The following WARS2 variants were observed in gnomAD, a reference collection of about 807,000 sequenced individuals.
WARS2 encodes tryptophanyl tRNA synthetase 2, mitochondrial.
In WARS2, 28 loss-of-function variants were observed where a neutral mutation model predicts 36.5. That is an observed-to-expected ratio of 0.77 (90% confidence interval 0.57 to 1.05). The LOEUF (loss-of-function observed/expected upper bound fraction) is 1.05. Among genes scored for constraint, WARS2 ranks in the 50% least tolerant of loss-of-function variants. The pLI is 0.00. For synonymous variants in WARS2, 174 were observed against 178.4 expected (o/e 0.98, Z 0.20); for missense variants, 435 against 456.8 (o/e 0.95, Z 0.44).
intron 1 of WARS2, chr1:119,139,745 T>C (rs1253009783): frequency 6.6e-6 from 1 of 152,222 alleles, no homozygotes; most frequent in African/African-American, 2.4e-5. Flanking sequence ...GTTCCCAGAA[T>C]ATATCTCCCG....
intron 1 of WARS2, among the ~76,000 whole-genome samples, chr1:119,093,457 T>C (rs1390301786): frequency 3.2e-5 from 1 of 31,510 alleles, no homozygotes; most frequent in African/African-American, 2.5e-4. Context: ...GCAGATATAA[T>C]CAGTTAAGAT....
intron 1 of WARS2, chr1:119,085,796 G>A (rs967347757): frequency 1.1e-4 from 183 of 1,607,668 alleles, no homozygotes; most frequent in Non-Finnish European, 1.5e-4. Context: ...AGAACACACA[G>A]ATGATGTCCC....
At chr1:119,060,126 A>G (rs1459816970) in intron 2 of WARS2, among the ~76,000 whole-genome samples, 1 of 152,222 alleles carries the variant, frequency 6.6e-6, no homozygotes, top group African/African-American at 2.4e-5. Context: ...GAGTTTTCCA[A>G]TCCAATCTAA....
chr1:119,054,089 A>G (rs1444694157), intron 2 of WARS2, among the ~76,000 whole-genome samples: 5 of 150,010 alleles, frequency 3.3e-5, no homozygotes, highest in African/African-American at 9.7e-5. Context: ...ATACTATTTA[A>G]TAAATTATAA....
chr1:119,066,621 C>A (rs535192105), intron 2 of WARS2, among the ~76,000 whole-genome samples: 1 of 150,694 alleles, frequency 6.6e-6, no homozygotes, highest in South Asian at 2.1e-4. Context: ...TATGAGCAAA[C>A]AATTCACAAA....
intron 1 of WARS2, among the ~76,000 whole-genome samples, chr1:119,095,549 C>G (rs2101429083): frequency 6.6e-6 from 1 of 152,296 alleles, no homozygotes; most frequent in South Asian, 2.1e-4. Context: ...TCTCCTGCCT[C>G]AGCCTCCCAA....
At chr1:119,133,815 T>C (rs1266187163) in intron 1 of WARS2, among the ~76,000 whole-genome samples, 1 of 152,114 alleles carries the variant, frequency 6.6e-6, no homozygotes, top group Non-Finnish European at 1.5e-5. Flanking sequence ...GATATTTACT[T>C]TATATTCATC....
chr1:119,077,149 G>A (rs13376260), intron 1 of WARS2, among the ~76,000 whole-genome samples: 21 of 46,260 alleles, frequency 4.5e-4, no homozygotes, highest in South Asian at 5.7e-4. Flanking sequence ...AAAAAAAAAA[G>A]GAAAAGATCT....
intron 1 of WARS2, among the ~76,000 whole-genome samples, chr1:119,107,438 T>C (rs1251051615): frequency 6.6e-6 from 1 of 152,114 alleles, no homozygotes; most frequent in East Asian, 1.9e-4. Flanking sequence ...TTAGGATCCA[T>C]TTTGATTTAA....
intron 1 of WARS2, among the ~76,000 whole-genome samples, chr1:119,081,732 C>G (rs1010927374): frequency 3.9e-5 from 6 of 152,062 alleles, no homozygotes; most frequent in African/African-American, 1.4e-4. Flanking sequence ...TCTACATTGC[C>G]CTACTATTTC....
At chr1:119,109,521 T>C (rs1299965895) in intron 1 of WARS2, among the ~76,000 whole-genome samples, 1 of 151,956 alleles carries the variant, frequency 6.6e-6, no homozygotes, top group Non-Finnish European at 1.5e-5. Flanking sequence ...CCCTTTTAGC[T>C]AGTTTCTTTT....
chr1:119,103,952 TTATTTTTAATTAAAAATA>T (rs1218636748), intron 1 of WARS2, among the ~76,000 whole-genome samples: 3 of 150,382 alleles, frequency 2.0e-5, no homozygotes, highest in Non-Finnish European at 3.0e-5. Flanking sequence ...AAAAAATGTA[TTATTTTTAATTAAAAATA>T]TATTTTTAAA....
intron 2 of WARS2, among the ~76,000 whole-genome samples, chr1:119,068,856 C>T (rs200571053): frequency 2.2e-5 from 1 of 45,286 alleles, no homozygotes; most frequent in African/African-American, 1.8e-4. Flanking sequence ...CACACACATA[C>T]ACACACACAC....
chr1:119,114,926 G>A (rs1417582807), intron 1 of WARS2, among the ~76,000 whole-genome samples: 1 of 152,108 alleles, frequency 6.6e-6, no homozygotes, highest in South Asian at 2.1e-4. Flanking sequence ...TCTCAGAGGA[G>A]ACTAGAAGAC....
intron 1 of WARS2, 137 bp downstream of exon 1, chr1:119,140,418 T>A: frequency 1.4e-6 from 1 of 703,858 alleles, no homozygotes; most frequent in Non-Finnish European, 2.3e-6. Context: ...CCGACAGTCA[T>A]AGACGAGTAG....
chr1:119,092,676 G>A (rs1653126966), intron 1 of WARS2, among the ~76,000 whole-genome samples: 3 of 152,150 alleles, frequency 2.0e-5, no homozygotes, highest in Admixed American at 2.0e-4. Flanking sequence ...TACTAGCTAT[G>A]TGATCTTTGG....
At chr1:119,073,194 G>A (rs587746475) in intron 2 of WARS2, among the ~76,000 whole-genome samples, 1 of 151,878 alleles carries the variant, frequency 6.6e-6, no homozygotes, top group South Asian at 2.1e-4. Context: ...TAACATCAGT[G>A]AGACAAATAA....
intron 1 of WARS2, among the ~76,000 whole-genome samples, chr1:119,137,812 T>G (rs1656619664): frequency 6.6e-6 from 1 of 152,192 alleles, no homozygotes; most frequent in African/African-American, 2.4e-5. Flanking sequence ...TTATTCCTGT[T>G]TCTCCCTGTT....
intron 2 of WARS2, among the ~76,000 whole-genome samples, chr1:119,058,886 T>A (rs1372800345): frequency 6.7e-6 from 1 of 149,880 alleles, no homozygotes; most frequent in East Asian, 1.9e-4. Context: ...ATCGCCACAC[T>A]GACTTCCACA....
Sources: allele counts gnomAD v4.1 joint callset (sites outside exome capture counted in the v4.1 genomes callset), GRCh38; gene constraint gnomAD v4.1.1; transcripts MANE v1.5; gene names NCBI Gene and HGNC (gene_info 2026-07-23, HGNC 2026-07-21).